MECOM: variants seen among roughly 807,000 people sequenced by gnomAD.
MECOM encodes the protein histone-lysine N-methyltransferase MECOM.
In MECOM, 13 loss-of-function variants were observed where a neutral mutation model predicts 116.3. That is an observed-to-expected ratio of 0.11 (90% CI 0.07 to 0.18). The LOEUF (loss-of-function observed/expected upper bound fraction) is 0.18. Among genes scored for constraint, MECOM ranks in the 10% least tolerant of loss-of-function variants. The probability of loss-of-function intolerance (pLI) is 1.00; values close to 1 mark genes in which losing one functional copy is unlikely to be tolerated. For synonymous variants in MECOM, 528 were observed against 535.2 expected (o/e 0.99, Z 0.19); for missense variants, 1,299 against 1,509.0 (o/e 0.86, Z 2.31).
intron 2 of MECOM, among the ~76,000 whole-genome samples, chr3:169,266,160 ACT>A (rs1323096310): frequency 6.6e-6 from 1 of 152,206 alleles, no homozygotes; most frequent in Non-Finnish European, 1.5e-5. Context: ...AATGGAATTA[ACT>A]CAAAAAAGGA....
chr3:169,654,182 T>G (rs1011459216), intron 1 of MECOM, among the ~76,000 whole-genome samples: 4 of 152,220 alleles, frequency 2.6e-5, no homozygotes, highest in Non-Finnish European at 5.9e-5. Context: ...GTCAAATCTT[T>G]ATCAGGAGAG....
chr3:169,126,261 G>T (rs149462292), intron 5 of MECOM, among the ~76,000 whole-genome samples: 6 of 152,144 alleles, frequency 3.9e-5, no homozygotes, highest in African/African-American at 1.4e-4. Flanking sequence ...AAGAAGTATT[G>T]CTGTACACTC....
At chr3:169,127,373 T>C (rs1462052493) in intron 5 of MECOM, among the ~76,000 whole-genome samples, 2 of 152,248 alleles carry the variant, frequency 1.3e-5, no homozygotes, top group Non-Finnish European at 2.9e-5. Flanking sequence ...TTCTTTTATA[T>C]ATATGTAATT....
chr3:169,256,355 AAC>A (rs967246780), intron 2 of MECOM, among the ~76,000 whole-genome samples: 3 of 152,110 alleles, frequency 2.0e-5, no homozygotes, highest in Admixed American at 6.5e-5. Context: ...AAAAAAAAAA[AAC>A]AGTCTGCCTT....
chr3:169,134,737 T>A (rs1191135661), intron 3 of MECOM, among the ~76,000 whole-genome samples: 1 of 152,220 alleles, frequency 6.6e-6, no homozygotes, highest in Non-Finnish European at 1.5e-5. Flanking sequence ...AAAAGTATAA[T>A]TTGAATCCTT....
intron 1 of MECOM, among the ~76,000 whole-genome samples, chr3:169,633,701 A>G: frequency 6.6e-6 from 1 of 152,142 alleles, no homozygotes; most frequent in East Asian, 1.9e-4. Context: ...CCCCTTGTGC[A>G]GTGATCTGGT....
chr3:169,148,475 C>A (rs1740537303), intron 2 of MECOM, among the ~76,000 whole-genome samples: 2 of 152,172 alleles, frequency 1.3e-5, no homozygotes, highest in African/African-American at 4.8e-5. Context: ...TCATGGCCAA[C>A]TTTGTAAGAT....
intron 1 of MECOM, among the ~76,000 whole-genome samples, chr3:169,460,178 C>T (rs1747198651): frequency 6.6e-6 from 1 of 151,870 alleles, no homozygotes; most frequent in Non-Finnish European, 1.5e-5. Context: ...TGAACTGAAT[C>T]CAAAAATTGT....
At chr3:169,329,364 A>G (rs1384683448) in intron 2 of MECOM, among the ~76,000 whole-genome samples, 1 of 152,194 alleles carries the variant, frequency 6.6e-6, no homozygotes, top group Non-Finnish European at 1.5e-5. Context: ...TAATGCTTCT[A>G]TTTCGGAAGC....
intron 1 of MECOM, among the ~76,000 whole-genome samples, chr3:169,532,830 G>T (rs1398083351): frequency 1.3e-5 from 2 of 151,706 alleles, no homozygotes; most frequent in East Asian, 3.9e-4. Flanking sequence ...TCATTTAAGA[G>T]ATGCACCAGC....
At position 169,104,980 on chromosome 3, in the gene MECOM, GCCTCCCCCA is replaced by G. The variant is rs201651371; in HGVS notation, c.2605-2763_2605-2755del. ...TAAGGGTTACGCAAGTGTCTTACAA[GCCTCCCCCA>G]CCTTTGGCTTCTGGTGTCAAATGAA... On this transcript the variant is annotated intron_variant, in intron 10 of 16. Transcript: ENST00000651503. Among the ~76,000 whole-genome samples, 707 of 152,206 alleles carry G rather than the reference GCCTCCCCCA, an allele frequency of 4.6e-3. 9 individuals are homozygous for G. The highest frequency in any genetic ancestry group is 0.016 in the African/African-American group (685 of 41,538).
At chr3:169,371,885 G>A (rs1276372461) in intron 2 of MECOM, among the ~76,000 whole-genome samples, 1 of 151,956 alleles carries the variant, frequency 6.6e-6, no homozygotes, top group Non-Finnish European at 1.5e-5. Flanking sequence ...TAGATTGCCT[G>A]TTTCAATATG....
chr3:169,357,890 T>A (rs1370444609), intron 2 of MECOM, among the ~76,000 whole-genome samples: 1 of 151,730 alleles, frequency 6.6e-6, no homozygotes, highest in Non-Finnish European at 1.5e-5. Flanking sequence ...ACTGCTATAT[T>A]CTCTGGGCAT....
chr3:169,487,706 GA>G (rs1752571574), intron 1 of MECOM, among the ~76,000 whole-genome samples: 2 of 137,890 alleles, frequency 1.5e-5, no homozygotes, highest in Non-Finnish European at 1.5e-5. Context: ...ACATAGCCTA[GA>G]AGAGAAAGAA....
At chr3:169,218,393 A>C (rs752398430) in intron 2 of MECOM, among the ~76,000 whole-genome samples, 2 of 152,228 alleles carry the variant, frequency 1.3e-5, no homozygotes, top group Non-Finnish European at 2.9e-5. Context: ...TTGACTTGTC[A>C]ATGTAATGGA....
At chr3:169,263,859 T>G (rs115010750) in intron 2 of MECOM, among the ~76,000 whole-genome samples, 2,512 of 152,272 alleles carry the variant, frequency 0.016, 69 homozygotes, top group African/African-American at 0.057. Flanking sequence ...TACTTCTGGT[T>G]TATTTTAATA....
intron 2 of MECOM, among the ~76,000 whole-genome samples, chr3:169,281,496 A>G (rs1034475673): frequency 6.6e-6 from 1 of 152,142 alleles, no homozygotes; most frequent in Non-Finnish European, 1.5e-5. Flanking sequence ...TCAAAATCAT[A>G]TGTTTGATTT....
intron 1 of MECOM, among the ~76,000 whole-genome samples, chr3:169,575,889 A>G (rs1764439761): frequency 6.6e-6 from 1 of 152,138 alleles, no homozygotes; most frequent in African/African-American, 2.4e-5. Flanking sequence ...AAACAAAACA[A>G]AAAACCCAAA....
chr3:169,319,644 G>T (rs1290665108), intron 2 of MECOM, among the ~76,000 whole-genome samples: 1 of 152,180 alleles, frequency 6.6e-6, no homozygotes, highest in Admixed American at 6.5e-5. Flanking sequence ...GAAGAAGAGA[G>T]AATTGTGTAA....
Sources: gnomAD v4.1 joint callset for allele counts (sites outside exome capture counted in the v4.1 genomes callset) on GRCh38, gnomAD v4.1.1 for gene constraint, MANE v1.5 for transcripts, NCBI Gene and HGNC (gene_info 2026-07-23, HGNC 2026-07-21) for gene names.